Variants in PLEKHM3 observed in about 807,000 individuals in gnomAD.
PLEKHM3 encodes pleckstrin homology domain containing M3, also known as pleckstrin homology domain-containing family M member 3.
PLEKHM3 carries 45 observed loss-of-function variants against 81.8 expected under a neutral mutation model. The ratio of observed to expected loss-of-function variants is 0.55; its 90% CI spans 0.43 to 0.71. PLEKHM3 has a LOEUF of 0.71. Ranked by LOEUF, PLEKHM3 falls within the 30% of genes least tolerant of loss-of-function variation. The pLI is 0.00. For missense variants in PLEKHM3, 788 were observed against 924.3 expected, an observed-to-expected ratio of 0.85 and a Z score of 1.91; for synonymous variants, 352 against 356.4, an observed-to-expected ratio of 0.99 and a Z score of 0.14.
intron 7 of PLEKHM3, among the ~76,000 whole-genome samples, chr2:207,828,700 C>G (rs1394911773): frequency 6.6e-6 from 1 of 152,166 alleles, no homozygotes; most frequent in Non-Finnish European, 1.5e-5. Context: ...AACATTTTTG[C>G]TTTTCTGATC....
chr2:207,923,163 C>A (rs1689243035), intron 5 of PLEKHM3, among the ~76,000 whole-genome samples: 1 of 152,098 alleles, frequency 6.6e-6, no homozygotes, highest in Admixed American at 6.5e-5. Context: ...GAAAACCCAT[C>A]CAAGGGTGTT....
In PLEKHM3 at chr2:207,823,124, C is replaced by T. The variant is rs1359976252; in HGVS notation, c.*5195G>A. 2.0e-5 allele frequency: 3 copies of T among 152,120 alleles called. No homozygotes were observed. Among genetic ancestry groups the T allele is most frequent in the Non-Finnish European group, 4.4e-5 (3 of 68,016 alleles). 9.4% of individuals were successfully genotyped at this position (152,120 alleles called of 1,614,324 possible). A position where few individuals can be genotyped will look rare whatever the true frequency, so the allele number is the denominator to read the frequency against. ...CAAAGTCTGGAACTTCATTCAAAGT[C>T]TGGAACTTCATTCAAAGTCTTGTCT... On this transcript the variant is annotated 3_prime_UTR_variant, in exon 8 of 8. Transcript: ENST00000427836.
chr2:207,854,359 T>C (rs2092427804), intron 7 of PLEKHM3, among the ~76,000 whole-genome samples: 1 of 152,132 alleles, frequency 6.6e-6, no homozygotes, highest in Admixed American at 6.6e-5. Flanking sequence ...ATCTGTATCA[T>C]CCCCCTACCC....
intron 6 of PLEKHM3, among the ~76,000 whole-genome samples, chr2:207,861,987 A>C (rs1430438440): frequency 1.3e-5 from 2 of 152,142 alleles, no homozygotes; most frequent in Non-Finnish European, 2.9e-5. Flanking sequence ...GTTTCCACTG[A>C]GATATCTGCT....
At chr2:208,003,912 A>G (rs960099987) in intron 1 of PLEKHM3, among the ~76,000 whole-genome samples, 1 of 152,244 alleles carries the variant, frequency 6.6e-6, no homozygotes, top group Non-Finnish European at 1.5e-5. Context: ...CATTTTATAA[A>G]GAAGGCACCA....
At chr2:207,892,824 C>T (rs1335465325) in intron 6 of PLEKHM3, among the ~76,000 whole-genome samples, 1 of 152,164 alleles carries the variant, frequency 6.6e-6, no homozygotes, top group Non-Finnish European at 1.5e-5. Context: ...TCACAGTCGC[C>T]GAGTTCCAAA....
At chr2:207,973,474 T>C (rs1691194015) in intron 3 of PLEKHM3, among the ~76,000 whole-genome samples, 1 of 152,172 alleles carries the variant, frequency 6.6e-6, no homozygotes, top group South Asian at 2.1e-4. Context: ...GGCGGTGGCT[T>C]ACGCCTGTAA....
At chr2:208,003,882 T>A (rs1453142276) in intron 1 of PLEKHM3, among the ~76,000 whole-genome samples, 2 of 152,182 alleles carry the variant, frequency 1.3e-5, no homozygotes, top group Admixed American at 6.5e-5. Flanking sequence ...GAAATGAACA[T>A]AAACAAAGTA....
chr2:207,870,039 A>G (rs1205806860), intron 6 of PLEKHM3: 1 of 152,176 alleles, frequency 6.6e-6, no homozygotes, highest in Non-Finnish European at 1.5e-5. Context: ...TCCCCAAACC[A>G]CAGTTTCAGA....
intron 3 of PLEKHM3, among the ~76,000 whole-genome samples, chr2:207,972,679 C>A (rs2106021566): frequency 6.6e-6 from 1 of 151,898 alleles, no homozygotes; most frequent in South Asian, 2.1e-4. Context: ...GGAACAGTCA[C>A]ACATAATCAG....
chr2:207,903,349 G>C (rs187367827), intron 6 of PLEKHM3, among the ~76,000 whole-genome samples: 2 of 152,204 alleles, frequency 1.3e-5, no homozygotes, highest in African/African-American at 2.4e-5. Context: ...GTGTGCGGGG[G>C]TGAGGTGGTG....
At chr2:207,957,691 C>T (rs569614738) in intron 3 of PLEKHM3, among the ~76,000 whole-genome samples, 33 of 152,092 alleles carry the variant, frequency 2.2e-4, no homozygotes, top group Non-Finnish European at 8.8e-5. Flanking sequence ...GAGCGAGACT[C>T]TGTCTCAAAA....
At position 207,825,383 on chromosome 2, in the gene PLEKHM3, C is replaced by T. The variant is rs1269813400; in HGVS notation, c.*2936G>A. ...TGCCAGCTCCAGGAGATTAATTGGCCATTTTTTCATATGTTTTATGTGCAA... is the reference window on the plus strand; with the variant it reads ...TGCCAGCTCCAGGAGATTAATTGGCTATTTTTTCATATGTTTTATGTGCAA... On this transcript the variant is annotated 3_prime_UTR_variant, in exon 8 of 8. Coordinates refer to ENST00000427836, the MANE Select transcript of PLEKHM3 (RefSeq NM_001080475.3). 6.6e-6 allele frequency: 1 copy of T among 151,752 alleles called. No individual in the cohort carries two copies. The highest frequency in any genetic ancestry group is 1.5e-5 in the Non-Finnish European group (1 of 68,032). 9.4% of individuals were successfully genotyped at this position (151,752 alleles called of 1,614,324 possible).
Position 208,001,035 on chromosome 2 carries a change from T to C in PLEKHM3, c.605A>G (p.Asn202Ser), listed in dbSNP as rs927479117. The change falls in exon 2 of 8, where the codon AAT (asparagine) becomes AGT (serine). Residue 202 changes from asparagine to serine, a missense_variant. Physicochemically the swap from Asn to Ser is conservative, Grantham distance 46. Transcript: ENST00000427836. ...AATAAAATTTAAAAACATACCAGTA[T>C]TTCCTTGAGCATCTTCTATCTTATT... ...SPNKIEDAQG[N>S]TEHKQTFPNI... 2 of 1,521,182 alleles carry C rather than the reference T, an allele frequency of 1.3e-6. No individual in the cohort carries two copies. The highest frequency in any genetic ancestry group is 1.8e-6 in the Non-Finnish European group (2 of 1,135,004). The allele number at this position is 1,521,182 out of a possible 1,614,324, so 94.2% of individuals were successfully genotyped here. A position where few individuals can be genotyped will look rare whatever the true frequency, so the allele number is the denominator to read the frequency against.
intron 3 of PLEKHM3, among the ~76,000 whole-genome samples, chr2:207,948,325 G>A (rs1442559380): frequency 2.0e-5 from 3 of 147,202 alleles, no homozygotes; most frequent in Non-Finnish European, 4.5e-5. Context: ...GTCCAACCAG[G>A]ACCACACTAG....
intron 7 of PLEKHM3, among the ~76,000 whole-genome samples, chr2:207,855,013 G>A (rs953591748): frequency 1.3e-5 from 2 of 152,162 alleles, no homozygotes; most frequent in Non-Finnish European, 2.9e-5. Context: ...CTCTGCCCCA[G>A]TCAAGGCACA....
intron 5 of PLEKHM3, among the ~76,000 whole-genome samples, chr2:207,912,149 C>T (rs974766986): frequency 1.2e-4 from 18 of 152,168 alleles, no homozygotes; most frequent in African/African-American, 3.9e-4. Context: ...TCCAATTTCT[C>T]CTTACTAGGC....
At chr2:207,955,627 G>T (rs189480143) in intron 3 of PLEKHM3, among the ~76,000 whole-genome samples, 1 of 152,226 alleles carries the variant, frequency 6.6e-6, no homozygotes, top group East Asian at 1.9e-4. Context: ...AGAAACTGAG[G>T]CAGAAGATGA....
At chr2:207,931,347 G>GT (rs1173823483) in intron 4 of PLEKHM3, among the ~76,000 whole-genome samples, 2 of 152,336 alleles carry the variant, frequency 1.3e-5, no homozygotes, top group South Asian at 2.1e-4. Context: ...GACTGCAGTG[G>GT]TGATTACAGG....
Sources: gnomAD v4.1 joint callset for allele counts (sites outside exome capture counted in the v4.1 genomes callset) on GRCh38, gnomAD v4.1.1 for gene constraint, MANE v1.5 for transcripts, NCBI Gene and HGNC (gene_info 2026-07-23, HGNC 2026-07-21) for gene names.